The following CHST8 variants were observed in gnomAD, a reference collection of about 807,000 sequenced individuals.
The protein encoded by CHST8 is carbohydrate sulfotransferase 8, also known as GALNAC-4-ST1.
In CHST8, 10 loss-of-function variants were observed where a neutral mutation model predicts 15.0. The ratio of observed to expected loss-of-function variants is 0.67; its 90% CI spans 0.41 to 1.13. The LOEUF (loss-of-function observed/expected upper bound fraction) is 1.13. Ranked by LOEUF, CHST8 falls within the 50% of genes most tolerant of loss-of-function variation. The pLI, the probability that CHST8 is intolerant of heterozygous loss-of-function variation, is 0.00. For synonymous variants in CHST8, 259 were observed against 256.6 expected (o/e 1.01, Z -0.09); for missense variants, 634 against 608.2 (o/e 1.04, Z -0.45).
intron 3 of CHST8, among the ~76,000 whole-genome samples, chr19:33,732,985 G>A (rs753458475): frequency 6.6e-6 from 1 of 152,090 alleles, no homozygotes; most frequent in Non-Finnish European, 1.5e-5. Flanking sequence ...TTATGAATTG[G>A]GGTTTGATTA....
At chr19:33,753,470 C>A (rs1257761012) in intron 3 of CHST8, among the ~76,000 whole-genome samples, 3 of 101,060 alleles carry the variant, frequency 3.0e-5, no homozygotes, top group Non-Finnish European at 6.0e-5. Context: ...ATCCTCCCAC[C>A]ACCCACCCAC....
In CHST8 at chr19:33,772,687, T is replaced by TGCGGA; in HGVS notation, c.900_904dup (p.Thr302SerfsTer46). 6.2e-7 allele frequency: 1 copy of TGCGGA among 1,613,670 alleles called. No individual in the cohort carries two copies. ...CGCGCCAATGCCTCTCGGGAGGCCC[T>TGCGGA]GCGGACCGGCTCTGGGGTGCGTTTT... On this transcript the variant is annotated frameshift_variant, in exon 5 of 5. Transcript: ENST00000650847. LOFTEE classifies it high-confidence loss of function.
At chr19:33,657,550 G>A (rs1223984745) in intron 1 of CHST8, among the ~76,000 whole-genome samples, 2 of 151,724 alleles carry the variant, frequency 1.3e-5, no homozygotes, top group Admixed American at 6.6e-5. Context: ...GGGATTACAG[G>A]CATAAGCCAC....
intron 1 of CHST8, among the ~76,000 whole-genome samples, chr19:33,636,601 A>G (rs1191253831): frequency 2.0e-5 from 3 of 152,170 alleles, no homozygotes; most frequent in African/African-American, 7.2e-5. Context: ...AAGTGAAAGC[A>G]AGTTTATTAA....
At chr19:33,737,960 A>G (rs903481190) in intron 3 of CHST8, among the ~76,000 whole-genome samples, 2 of 152,182 alleles carry the variant, frequency 1.3e-5, no homozygotes, top group Non-Finnish European at 2.9e-5. Context: ...TTTCATTATA[A>G]TAAGACCAAA....
At chr19:33,692,871 G>A (rs989411462) in intron 3 of CHST8, among the ~76,000 whole-genome samples, 9 of 152,050 alleles carry the variant, frequency 5.9e-5, no homozygotes, top group African/African-American at 1.2e-4. Flanking sequence ...ACCACATACC[G>A]GGCACCCAGC....
At chr19:33,702,217 C>G (rs1001728357) in intron 3 of CHST8, among the ~76,000 whole-genome samples, 2 of 152,136 alleles carry the variant, frequency 1.3e-5, no homozygotes, top group Admixed American at 1.3e-4. Flanking sequence ...CGGTGATCCA[C>G]CACAGGAATC....
chr19:33,710,538 A>C (rs1262387413), intron 3 of CHST8, among the ~76,000 whole-genome samples: 2 of 152,174 alleles, frequency 1.3e-5, no homozygotes, highest in Non-Finnish European at 2.9e-5. Context: ...TCCTCTAAGC[A>C]CTGTGTTAGC....
intron 3 of CHST8, among the ~76,000 whole-genome samples, chr19:33,760,635 C>T (rs939208973): frequency 3.9e-5 from 6 of 152,100 alleles, no homozygotes; most frequent in Non-Finnish European, 2.9e-5. Flanking sequence ...TTTCTTGACA[C>T]TCTTCAGTCT....
intron 3 of CHST8, among the ~76,000 whole-genome samples, chr19:33,743,247 A>T (rs1228504611): frequency 7.5e-6 from 1 of 134,004 alleles, no homozygotes; most frequent in East Asian, 2.2e-4. Context: ...TAGCATAACC[A>T]CCTTTGGGAG....
chr19:33,728,939 C>T (rs1973949277), intron 3 of CHST8, among the ~76,000 whole-genome samples: 1 of 152,196 alleles, frequency 6.6e-6, no homozygotes, highest in Non-Finnish European at 1.5e-5. Context: ...TCTGGCCCTG[C>T]CCTCTGTGGA....
At chr19:33,651,905 A>G (rs79839742) in intron 1 of CHST8, among the ~76,000 whole-genome samples, 2,956 of 152,140 alleles carry the variant, frequency 0.019, 107 homozygotes, top group African/African-American at 0.067. Context: ...ATCGGTACCT[A>G]TATACATTCT....
At chr19:33,659,008 TTC>T (rs1178739895) in intron 1 of CHST8, among the ~76,000 whole-genome samples, 1 of 151,946 alleles carries the variant, frequency 6.6e-6, no homozygotes, top group Non-Finnish European at 1.5e-5. Flanking sequence ...ATGATTTTAT[TTC>T]TCTCTTTTTG....
intron 3 of CHST8, among the ~76,000 whole-genome samples, chr19:33,758,869 G>A (rs562912400): frequency 5.9e-5 from 9 of 152,256 alleles, no homozygotes; most frequent in African/African-American, 1.2e-4. Context: ...ATTGGCTCAC[G>A]GCTCTGCAGG....
At chr19:33,663,906 G>A (rs763389514) in intron 1 of CHST8, among the ~76,000 whole-genome samples, 3 of 152,016 alleles carry the variant, frequency 2.0e-5, no homozygotes, top group Non-Finnish European at 2.9e-5. Flanking sequence ...AAAGCATGAG[G>A]TAGGTCCATA....
At chr19:33,754,515 T>C (rs994386110) in intron 3 of CHST8, among the ~76,000 whole-genome samples, 2 of 152,168 alleles carry the variant, frequency 1.3e-5, no homozygotes, top group Non-Finnish European at 2.9e-5. Context: ...CCCTCTGTTT[T>C]TGGTTTGATC....
chr19:33,636,522 C>T (rs893614362), intron 1 of CHST8, among the ~76,000 whole-genome samples: 6 of 152,094 alleles, frequency 3.9e-5, no homozygotes, highest in Admixed American at 2.6e-4. Flanking sequence ...GAAAGGGGTC[C>T]CGATCCAGAC....
rs1568358453 is a variant in CHST8, at chr19:33,757,455, A to AG, written c.131-13958_131-13957insG. ...GAAAGAAAGAAAGAAAGAAAGAAAG[A>AG]AAGAAAGAAAGAAAGAAAGAAAGAA... is the stretch of plus-strand genomic sequence containing the variant. On this transcript the variant is annotated intron_variant, in intron 3 of 4. Transcript: ENST00000650847. 2.1e-4 allele frequency among the ~76,000 whole-genome samples: 8 copies of AG among 38,004 alleles called. 1 individual carries two copies. Among genetic ancestry groups the AG allele is most frequent in the Non-Finnish European group, 4.4e-4 (8 of 18,090 alleles). 24.9% of individuals were successfully genotyped at this position (38,004 alleles called of 152,430 possible).
At chr19:33,767,981 C>T (rs965192159) in intron 3 of CHST8, among the ~76,000 whole-genome samples, 1 of 152,156 alleles carries the variant, frequency 6.6e-6, no homozygotes, top group African/African-American at 2.4e-5. Context: ...GCACTGGTAC[C>T]ACTGACCCCT....
Sources: allele counts gnomAD v4.1 joint callset (sites outside exome capture counted in the v4.1 genomes callset), GRCh38; gene constraint gnomAD v4.1.1; transcripts MANE v1.5; gene names NCBI Gene and HGNC (gene_info 2026-07-23, HGNC 2026-07-21).